Variants in CPE observed in about 807,000 individuals in gnomAD.
CPE encodes carbocypeptidase E.
In CPE, 17 loss-of-function variants were observed where a neutral mutation model predicts 53.5. The observed-to-expected ratio is 0.32, with a 90% CI of 0.22 to 0.48. The LOEUF is 0.48. CPE is among the 20% of genes least tolerant of loss of function. The pLI is 0.99. For synonymous variants in CPE, 226 were observed against 228.8 expected, an observed-to-expected ratio of 0.99 and a Z score of 0.11; for missense variants, 524 against 614.7, an observed-to-expected ratio of 0.85 and a Z score of 1.56.
At chr4:165,391,430 A>G (rs968522587) in intron 1 of CPE, among the ~76,000 whole-genome samples, 1 of 152,140 alleles carries the variant, frequency 6.6e-6, no homozygotes, top group African/African-American at 2.4e-5. Flanking sequence ...ATTTTCCATA[A>G]TATTCTCAGC....
chr4:165,429,379 T>A (rs143166982), intron 1 of CPE, among the ~76,000 whole-genome samples: 2 of 152,350 alleles, frequency 1.3e-5, no homozygotes, highest in African/African-American at 2.4e-5. Context: ...TCCCACTTAT[T>A]GGAAAAATTC....
intron 8 of CPE, among the ~76,000 whole-genome samples, chr4:165,497,190 G>A (rs1462235953): frequency 6.6e-6 from 1 of 152,154 alleles, no homozygotes; most frequent in Non-Finnish European, 1.5e-5. Flanking sequence ...AAAGTGCTGG[G>A]ATTACAGACG....
At position 165,404,297 on chromosome 4, in the gene CPE, G is replaced by C. The variant is rs1228212113; in HGVS notation, c.307+24769G>C. 6.5e-5 allele frequency: 50 copies of C among 770,882 alleles called. 1 individual carries two copies. In the Middle Eastern group the frequency reaches 1.5e-3, roughly 24 times the overall value. 47.8% of individuals were successfully genotyped at this position (770,882 alleles called of 1,614,324 possible). A position where few individuals can be genotyped will look rare whatever the true frequency, so the allele number is the denominator to read the frequency against. On this transcript the variant is annotated intron_variant, in intron 1 of 8. Coordinates refer to ENST00000402744, the MANE Select transcript of CPE (RefSeq NM_001873.4). ...GGCCAAGATCCCCTCTTGCGGGCAC[G>C]TGACTGCCTCATTCACAAATCTTGT...
At chr4:165,437,977 T>A (rs1731541048) in intron 1 of CPE, among the ~76,000 whole-genome samples, 1 of 152,140 alleles carries the variant, frequency 6.6e-6, no homozygotes, top group African/African-American at 2.4e-5. Context: ...TGGAAGAGAC[T>A]AGATGTTGGC....
At chr4:165,495,119 A>G (rs529245894) in intron 7 of CPE, among the ~76,000 whole-genome samples, 71 of 152,286 alleles carry the variant, frequency 4.7e-4, no homozygotes, top group Admixed American at 1.3e-3. Flanking sequence ...AGAAATCTAA[A>G]TTTCTAACTA....
chr4:165,488,803 GTGGTC>G (rs1732552449), intron 6 of CPE, among the ~76,000 whole-genome samples: 1 of 151,962 alleles, frequency 6.6e-6, no homozygotes, highest in Non-Finnish European at 1.5e-5. Flanking sequence ...CTCTGTTGCA[GTGGTC>G]CCTATAGCTT....
intron 5 of CPE, among the ~76,000 whole-genome samples, chr4:165,485,590 A>T (rs1182809443): frequency 3.9e-5 from 6 of 152,288 alleles, no homozygotes; most frequent in Admixed American, 1.3e-4. Context: ...CATGTCTAGT[A>T]CATCAGATGG....
At chr4:165,495,994 A>C (rs1353391102) in intron 8 of CPE, among the ~76,000 whole-genome samples, 1 of 152,232 alleles carries the variant, frequency 6.6e-6, no homozygotes, top group Non-Finnish European at 1.5e-5. Flanking sequence ...CACCTAGCGC[A>C]GTGCCTTTCT....
intron 3 of CPE, among the ~76,000 whole-genome samples, chr4:165,481,492 G>T (rs953998643): frequency 6.6e-6 from 1 of 152,172 alleles, no homozygotes; most frequent in East Asian, 1.9e-4. Flanking sequence ...GGGTTTGAGA[G>T]TCTTCCTAGT....
intron 1 of CPE, among the ~76,000 whole-genome samples, chr4:165,422,354 A>ATCTTC (rs140430745): frequency 1.8e-4 from 28 of 151,584 alleles, no homozygotes; most frequent in Non-Finnish European, 2.8e-4. Context: ...TATTTAAGGA[A>ATCTTC]TCTTCTCTTT....
intron 8 of CPE, among the ~76,000 whole-genome samples, chr4:165,496,949 G>A (rs1449109581): frequency 6.6e-6 from 1 of 152,102 alleles, no homozygotes; most frequent in East Asian, 1.9e-4. Flanking sequence ...TTGAGACAGA[G>A]TCTTGCTCTG....
At chr4:165,382,332 G>T (rs1258114598) in intron 1 of CPE, among the ~76,000 whole-genome samples, 1 of 152,166 alleles carries the variant, frequency 6.6e-6, no homozygotes, top group African/African-American at 2.4e-5. Flanking sequence ...TCTTCACTAG[G>T]ACCCCTGCTT....
chr4:165,454,062 C>T (rs1166082685), intron 1 of CPE, among the ~76,000 whole-genome samples: 1 of 152,036 alleles, frequency 6.6e-6, no homozygotes, highest in Non-Finnish European at 1.5e-5. Context: ...TGCCTATTTC[C>T]ATGGTGTAAA....
At position 165,467,941 on chromosome 4, in the gene CPE, G is replaced by A. The variant is rs957030015; in HGVS notation, c.672+86G>A. ...ATCTTCATCATCATGAAGGACAGAG[G>A]AGTAACATCACAGCTTGTATGGGGT... On this transcript the variant is annotated intron_variant, in intron 3 of 8. Coordinates refer to ENST00000402744, the MANE Select transcript of CPE (RefSeq NM_001873.4). 1.3e-5 allele frequency: 18 copies of A among 1,425,108 alleles called. No homozygotes were observed. In the Admixed American group the frequency reaches 2.5e-4, roughly 20 times the overall value. The allele number at this position is 1,425,108 out of a possible 1,614,324, so 88.3% of individuals were successfully genotyped here. A position where few individuals can be genotyped will look rare whatever the true frequency, so the allele number is the denominator to read the frequency against.
chr4:165,381,979 A>G (rs920280888), intron 1 of CPE, among the ~76,000 whole-genome samples: 1 of 152,248 alleles, frequency 6.6e-6, no homozygotes, highest in African/African-American at 2.4e-5. Context: ...TGCACAACCC[A>G]TAGAAGATAA....
At chr4:165,482,586 G>A (rs762311598) in intron 4 of CPE, among the ~76,000 whole-genome samples, 3 of 152,188 alleles carry the variant, frequency 2.0e-5, no homozygotes, top group Admixed American at 6.5e-5. Flanking sequence ...GAAGAGAAAC[G>A]TGATCTTGAC....
chr4:165,392,523 ATATAT>A (rs967346090), intron 1 of CPE, among the ~76,000 whole-genome samples: 6 of 145,386 alleles, frequency 4.1e-5, no homozygotes, highest in Admixed American at 7.0e-5. Flanking sequence ...TAATATATGT[ATATAT>A]TATATTAAAT....
At chr4:165,405,940 C>T in intron 1 of CPE, 1 of 729,464 alleles carries the variant, frequency 1.4e-6, no homozygotes, top group South Asian at 1.4e-5. Context: ...TCACAACAGG[C>T]TTTATGGACT....
chr4:165,409,489 C>T (rs1012237471), intron 1 of CPE, among the ~76,000 whole-genome samples: 5 of 152,170 alleles, frequency 3.3e-5, no homozygotes, highest in Admixed American at 6.5e-5. Context: ...TAGGCTGAGC[C>T]GCTGCACCCA....
Sources: allele counts gnomAD v4.1 joint callset (sites outside exome capture counted in the v4.1 genomes callset), GRCh38; gene constraint gnomAD v4.1.1; transcripts MANE v1.5; gene names NCBI Gene and HGNC (gene_info 2026-07-23, HGNC 2026-07-21).